VRK1: variants seen among roughly 807,000 people sequenced by gnomAD.
VRK1 encodes serine/threonine-protein kinase VRK1.
A neutral mutation model predicts 57.1 loss-of-function variants in VRK1; 33 were observed. That is an observed-to-expected ratio of 0.58 (90% CI 0.44 to 0.77). The LOEUF (loss-of-function observed/expected upper bound fraction) is 0.77. VRK1 is among the 30% of genes least tolerant of loss of function. The pLI is 0.00. For synonymous variants in VRK1, 137 were observed against 147.8 expected (o/e 0.93, Z 0.53); for missense variants, 413 against 477.3 (o/e 0.87, Z 1.25).
chr14:96,843,788 T>G (rs1028306943), intron 3 of VRK1, among the ~76,000 whole-genome samples: 1 of 152,190 alleles, frequency 6.6e-6, no homozygotes, highest in Non-Finnish European at 1.5e-5. Flanking sequence ...TAGCTTTGGC[T>G]AGAGTGCAAT....
At chr14:96,841,927 T>C (rs1887479504) in intron 3 of VRK1, among the ~76,000 whole-genome samples, 1 of 152,194 alleles carries the variant, frequency 6.6e-6, no homozygotes, top group African/African-American at 2.4e-5. Flanking sequence ...TTCTATTTGC[T>C]TCTTTTCCCC....
intron 4 of VRK1, among the ~76,000 whole-genome samples, chr14:96,846,431 A>G (rs1270065638): frequency 2.0e-5 from 3 of 152,198 alleles, no homozygotes; most frequent in Admixed American, 6.5e-5. Flanking sequence ...AGAATTATTG[A>G]TGAAATAGAA....
At chr14:96,810,397 C>T (rs889345130) in intron 1 of VRK1, among the ~76,000 whole-genome samples, 6 of 152,062 alleles carry the variant, frequency 3.9e-5, no homozygotes, top group Non-Finnish European at 8.8e-5. Context: ...TACTCTAGGG[C>T]GATGAAGCTA....
chr14:96,801,784 AAT>A (rs1400080126), intron 1 of VRK1, among the ~76,000 whole-genome samples: 1 of 152,212 alleles, frequency 6.6e-6, no homozygotes, highest in African/African-American at 2.4e-5. Context: ...AGAAAGAGCA[AAT>A]ATATTTATTG....
At chr14:96,836,285 C>G (rs1477701743) in intron 2 of VRK1, among the ~76,000 whole-genome samples, 1 of 152,114 alleles carries the variant, frequency 6.6e-6, no homozygotes, top group Non-Finnish European at 1.5e-5. Flanking sequence ...CCATTCTCCA[C>G]AAAGCAGCCC....
At chr14:96,850,095 G>T (rs1288078011) in intron 5 of VRK1, among the ~76,000 whole-genome samples, 6 of 152,124 alleles carry the variant, frequency 3.9e-5, no homozygotes, top group Non-Finnish European at 5.9e-5. Flanking sequence ...ATAAAATGAG[G>T]TTGCTAGAAA....
At chr14:96,821,430 G>A (rs1886591866) in intron 1 of VRK1, among the ~76,000 whole-genome samples, 1 of 151,892 alleles carries the variant, frequency 6.6e-6, no homozygotes, top group African/African-American at 2.4e-5. Flanking sequence ...GGCAGCTTGT[G>A]TAAAGTTAAA....
Position 96,833,620 on chromosome 14 carries a change from G to C in VRK1, c.149G>C (p.Cys50Ser). The change falls in exon 2 of 13, where the codon TGT becomes TCT. Residue 50 changes from cysteine (C) to serine (S), a missense_variant. Cys to Ser is a moderately radical substitution (Grantham distance 112, BLOSUM62 -1). Transcript: ENST00000216639. The stretch of plus-strand genomic sequence containing the variant: ...CCCATTGGCCAAGGAGGCTTTGGCT[G>C]TATATATCTTGGTAAGTGTGTGACT... The part of the protein sequence containing the change: ...GLPIGQGGFG[C>S]IYLADMNSSE... The C allele has an allele frequency of 1.2e-6, 2 of 1,613,646 alleles. No individual in the cohort carries two copies. The highest frequency in any genetic ancestry group is 1.7e-6 in the Non-Finnish European group (2 of 1,179,610).
chr14:96,825,407 T>G (rs1886762295), intron 1 of VRK1, among the ~76,000 whole-genome samples: 1 of 152,222 alleles, frequency 6.6e-6, no homozygotes, highest in African/African-American at 2.4e-5. Flanking sequence ...AGTTGGGTGA[T>G]GTATATTAAA....
At chr14:96,821,273 G>A (rs552309250) in intron 1 of VRK1, among the ~76,000 whole-genome samples, 2 of 152,226 alleles carry the variant, frequency 1.3e-5, no homozygotes, top group South Asian at 4.1e-4. Flanking sequence ...AGGAGTTCAA[G>A]TGTTTAATTT....
At chr14:96,808,032 T>C (rs1885974782) in intron 1 of VRK1, among the ~76,000 whole-genome samples, 2 of 127,298 alleles carry the variant, frequency 1.6e-5, no homozygotes, top group Non-Finnish European at 3.8e-5. Context: ...TGTGTGTGTG[T>C]GTGTGTGTGT....
At chr14:96,842,332 G>C (rs899996840) in intron 3 of VRK1, among the ~76,000 whole-genome samples, 1 of 152,126 alleles carries the variant, frequency 6.6e-6, no homozygotes, top group Non-Finnish European at 1.5e-5. Context: ...TAACAAACAT[G>C]TAAAATGAGC....
intron 11 of VRK1, among the ~76,000 whole-genome samples, chr14:96,868,371 G>A (rs1888666085): frequency 6.6e-6 from 1 of 152,040 alleles, no homozygotes; most frequent in South Asian, 2.1e-4. Flanking sequence ...TGGGACCGTC[G>A]GGATTTTTAA....
intron 1 of VRK1, among the ~76,000 whole-genome samples, chr14:96,801,673 C>A (rs1217642561): frequency 6.6e-6 from 1 of 152,136 alleles, no homozygotes; most frequent in Non-Finnish European, 1.5e-5. Context: ...GAAGCCCTAC[C>A]AATAGCATAA....
At chr14:96,880,006 A>G (rs1288209434) in intron 12 of VRK1, among the ~76,000 whole-genome samples, 2 of 152,054 alleles carry the variant, frequency 1.3e-5, no homozygotes, top group African/African-American at 4.8e-5. Flanking sequence ...TTTTTAATAG[A>G]TGGCCGTGTT....
At chr14:96,810,173 T>C (rs1459948583) in intron 1 of VRK1, among the ~76,000 whole-genome samples, 2 of 152,192 alleles carry the variant, frequency 1.3e-5, no homozygotes, top group Non-Finnish European at 2.9e-5. Flanking sequence ...ACAGATTGGA[T>C]TGTCTTTTTT....
chr14:96,829,756 A>G (rs1450283313), intron 1 of VRK1, among the ~76,000 whole-genome samples: 3 of 152,154 alleles, frequency 2.0e-5, no homozygotes, highest in Non-Finnish European at 2.9e-5. Flanking sequence ...TAGTTGTACT[A>G]TATCTACAGT....
At chr14:96,866,557 C>T (rs894679822) in intron 11 of VRK1, among the ~76,000 whole-genome samples, 2 of 152,142 alleles carry the variant, frequency 1.3e-5, no homozygotes, top group African/African-American at 4.8e-5. Context: ...GATTATTCTG[C>T]CGTCTTTCTC....
At chr14:96,849,427 A>G (rs558579427) in intron 5 of VRK1, among the ~76,000 whole-genome samples, 3 of 151,770 alleles carry the variant, frequency 2.0e-5, no homozygotes, top group East Asian at 3.9e-4. Context: ...TCCTCTTTCC[A>G]TAATTTGAGT....
Sources: gnomAD v4.1 joint callset for allele counts (sites outside exome capture counted in the v4.1 genomes callset) on GRCh38, gnomAD v4.1.1 for gene constraint, MANE v1.5 for transcripts, NCBI Gene and HGNC (gene_info 2026-07-23, HGNC 2026-07-21) for gene names.